The following MYH11 variants were observed in gnomAD, a reference collection of about 807,000 sequenced individuals.
The protein encoded by MYH11 is myosin heavy chain 11.
MYH11 carries 80 observed loss-of-function variants against 246.6 expected under a neutral mutation model. The observed-to-expected ratio is 0.32, with a 90% CI of 0.27 to 0.39. The LOEUF (loss-of-function observed/expected upper bound fraction) is 0.39. MYH11 is among the 10% of genes least tolerant of loss of function. The pLI, the probability that MYH11 is intolerant of heterozygous loss-of-function variation, is 1.00. For synonymous variants in MYH11, 1,071 were observed against 1,015.5 expected (o/e 1.05, Z -1.04); for missense variants, 2,158 against 2,546.8 (o/e 0.85, Z 3.29).
intron 3 of MYH11, among the ~76,000 whole-genome samples, chr16:15,801,150 G>T (rs548098685): frequency 1.3e-5 from 2 of 152,262 alleles, no homozygotes; most frequent in South Asian, 4.1e-4. Flanking sequence ...ACGTTGCAGT[G>T]AGCCGAGATC....
intron 11 of MYH11, 39 bp downstream of exon 11, chr16:15,760,497 ATGGG>A: frequency 1.5e-6 from 2 of 1,374,954 alleles, no homozygotes; most frequent in Non-Finnish European, 2.1e-6. Flanking sequence ...GAATGGATGG[ATGGG>A]TGGGTGCATG....
At position 15,721,713 on chromosome 16, in the gene MYH11, C is replaced by A. The variant is rs928570473; in HGVS notation, c.4366-79G>T. The A allele has an allele frequency of 2.8e-5, 41 of 1,446,638 alleles. No individual in the cohort carries two copies. In the Middle Eastern group the frequency reaches 5.2e-4, roughly 18 times the overall value. The allele number at this position is 1,446,638 out of a possible 1,614,324, so 89.6% of individuals were successfully genotyped here. ...TGAATTGTAAATACCGGGGGAAGCC[C>A]TGTGTCCTGCTGAATGTATTGAGGT... is the stretch of plus-strand genomic sequence containing the variant. On this transcript the variant is annotated intron_variant, in intron 31 of 40. Transcript: ENST00000300036.
intron 3 of MYH11, among the ~76,000 whole-genome samples, chr16:15,820,661 G>A (rs1329416148): frequency 6.6e-6 from 1 of 151,958 alleles, no homozygotes; most frequent in Non-Finnish European, 1.5e-5. Context: ...TTTTTAGCTC[G>A]GGCTGCAGAA....
chr16:15,844,742 T>C lies in MYH11; in HGVS notation c.-17-6473A>G, dbSNP rs117156015. On this transcript the variant is annotated intron_variant, in intron 1 of 40. Transcript: ENST00000300036. ...GATGCGTGCTTGTAGTCCCAGCTAC[T>C]AGGAGGCTGAGGCAGGAGGGTTGCT... Among the ~76,000 whole-genome samples the C allele has an allele frequency of 5.1e-4, 77 of 152,058 alleles. 3 individuals are homozygous for C. In the East Asian group the frequency reaches 9.9e-3, roughly 20 times the overall value.
chr16:15,808,559 C>T (rs564208501), intron 3 of MYH11, among the ~76,000 whole-genome samples: 1 of 152,284 alleles, frequency 6.6e-6, no homozygotes, highest in South Asian at 2.1e-4. Flanking sequence ...TTTGCTGCAA[C>T]CCAACAGGTG....
intron 1 of MYH11, among the ~76,000 whole-genome samples, chr16:15,838,706 A>G (rs1415988703): frequency 6.6e-6 from 1 of 152,032 alleles, no homozygotes; most frequent in Non-Finnish European, 1.5e-5. Flanking sequence ...CTGAAAATAC[A>G]AAAATTAGCC....
chr16:15,796,208 C>A (rs2042739525), intron 4 of MYH11, among the ~76,000 whole-genome samples: 1 of 152,168 alleles, frequency 6.6e-6, no homozygotes, highest in African/African-American at 2.4e-5. Context: ...CTTAAAAATT[C>A]AGTTCTGCAA....
chr16:15,850,457 C>A (rs554933180), intron 1 of MYH11, among the ~76,000 whole-genome samples: 5 of 152,226 alleles, frequency 3.3e-5, no homozygotes, highest in Admixed American at 6.6e-5. Context: ...CATCACCTCA[C>A]CTGGTCAACA....
intron 12 of MYH11, among the ~76,000 whole-genome samples, chr16:15,758,775 G>A (rs1419140217): frequency 6.6e-6 from 1 of 151,526 alleles, no homozygotes; most frequent in Non-Finnish European, 1.5e-5. Context: ...ACTCCGGCCT[G>A]GGCAACAGAG....
chr16:15,734,001 C>G (rs2041043488), intron 26 of MYH11, among the ~76,000 whole-genome samples: 1 of 152,218 alleles, frequency 6.6e-6, no homozygotes, highest in East Asian at 1.9e-4. Context: ...ATGATACATG[C>G]TATGCCAACA....
At chr16:15,704,940 A>G (rs2039368724) in intron 40 of MYH11, among the ~76,000 whole-genome samples, 1 of 152,118 alleles carries the variant, frequency 6.6e-6, no homozygotes, top group South Asian at 2.1e-4. Context: ...TGGCCTCCCA[A>G]AGCGCTGGCA....
chr16:15,828,525 T>C (rs1345568789), intron 2 of MYH11, among the ~76,000 whole-genome samples: 1 of 152,094 alleles, frequency 6.6e-6, no homozygotes, highest in East Asian at 1.9e-4. Context: ...GGGTAGACAC[T>C]CAGTCAGCTG....
intron 3 of MYH11, among the ~76,000 whole-genome samples, chr16:15,800,779 G>C (rs1369391025): frequency 6.6e-6 from 1 of 152,040 alleles, no homozygotes. Context: ...ACTCCAATCA[G>C]TTCTCTCTCT....
chr16:15,708,450 C>G (rs2039587067), intron 40 of MYH11, among the ~76,000 whole-genome samples: 1 of 152,192 alleles, frequency 6.6e-6, no homozygotes, highest in East Asian at 1.9e-4. Flanking sequence ...CTGCTGAGTG[C>G]CCTAACCACG....
At chr16:15,763,192 T>C (rs1385906319) in intron 10 of MYH11, among the ~76,000 whole-genome samples, 2 of 152,190 alleles carry the variant, frequency 1.3e-5, no homozygotes, top group Non-Finnish European at 2.9e-5. Context: ...CTGGACATCC[T>C]GTATTTTATC....
chr16:15,781,822 A>G lies in MYH11; in HGVS notation c.726+563T>C, dbSNP rs192744418. Among the ~76,000 whole-genome samples, 58 of 151,976 alleles carry G rather than the reference A, an allele frequency of 3.8e-4. No homozygotes were observed. In the East Asian group the frequency reaches 4.1e-3, roughly 11 times the overall value. On this transcript the variant is annotated intron_variant, in intron 6 of 40. Transcript: ENST00000300036. ...GAGACTCGCTGAGTGCCTGGTATAC[A>G]GTAGGCACTTAATAAAAACAGCAAA... is the stretch of plus-strand genomic sequence containing the variant.
chr16:15,851,519 T>C (rs1319705907), intron 1 of MYH11, among the ~76,000 whole-genome samples: 1 of 152,104 alleles, frequency 6.6e-6, no homozygotes, highest in Non-Finnish European at 1.5e-5. Context: ...TAATCCTAGT[T>C]TTCTGCTAAG....
At chr16:15,719,482 A>C (rs774562752) in intron 35 of MYH11, 103 bp downstream of exon 35, 3 of 1,578,744 alleles carry the variant, frequency 1.9e-6, no homozygotes, top group South Asian at 2.2e-5. Flanking sequence ...GGTGGACCCC[A>C]GAGGAGGACG....
At chr16:15,829,927 G>C (rs144957354) in intron 2 of MYH11, among the ~76,000 whole-genome samples, 44 of 152,292 alleles carry the variant, frequency 2.9e-4, no homozygotes, top group African/African-American at 1.0e-3. Flanking sequence ...CTGAGGTCAA[G>C]AGTTCGAGAC....
Sources: gnomAD v4.1 joint callset for allele counts (sites outside exome capture counted in the v4.1 genomes callset) on GRCh38, gnomAD v4.1.1 for gene constraint, MANE v1.5 for transcripts, NCBI Gene and HGNC (gene_info 2026-07-23, HGNC 2026-07-21) for gene names.